FTCDNL1: variants seen among roughly 807,000 people sequenced by gnomAD.
The protein encoded by FTCDNL1 is formiminotransferase cyclodeaminase N-terminal like.
In FTCDNL1, 11 loss-of-function variants were observed where a neutral mutation model predicts 5.9. That is an observed-to-expected ratio of 1.87 (90% confidence interval 1.18 to 3.10). FTCDNL1 has a LOEUF of 3.10. Among genes scored for constraint, FTCDNL1 ranks in the 30% most tolerant of loss-of-function variants. FTCDNL1 has a pLI of 0.00. For missense variants in FTCDNL1, 115 were observed against 65.5 expected (o/e 1.76, Z -2.61); for synonymous variants, 58 against 24.8 (o/e 2.34, Z -3.99).
intron 3 of FTCDNL1, among the ~76,000 whole-genome samples, chr2:199,826,362 T>C (rs1702030592): frequency 6.6e-6 from 1 of 152,098 alleles, no homozygotes; most frequent in Admixed American, 6.6e-5. Context: ...TAATAGCTAT[T>C]TGGGAGATCT....
At chr2:199,672,068 G>GT in the FTCDNL1 span, among the ~76,000 whole-genome samples, 2 of 152,074 alleles carry the variant, frequency 1.3e-5, no homozygotes, top group South Asian at 2.1e-4. Flanking sequence ...AGAGTTACAT[G>GT]TTTTTTGCCC....
At chr2:199,773,690 G>T (rs1453152187) in intron 3 of FTCDNL1, among the ~76,000 whole-genome samples, 2 of 152,156 alleles carry the variant, frequency 1.3e-5, no homozygotes, top group Middle Eastern at 3.2e-3. Flanking sequence ...TAGATTGAGT[G>T]ATTCCCTTGA....
At chr2:199,738,959 G>C in the FTCDNL1 span, among the ~76,000 whole-genome samples, 8 of 152,046 alleles carry the variant, frequency 5.3e-5, no homozygotes, top group African/African-American at 1.9e-4. Context: ...GTTAAATTTC[G>C]TAATAGCACC....
At chr2:199,736,251 C>A in the FTCDNL1 span, among the ~76,000 whole-genome samples, 1 of 152,212 alleles carries the variant, frequency 6.6e-6, no homozygotes. Flanking sequence ...CTTTACAGAG[C>A]AAAGAGGCTA....
chr2:199,702,763 A>C, the FTCDNL1 span, among the ~76,000 whole-genome samples: 2 of 152,238 alleles, frequency 1.3e-5, no homozygotes, highest in African/African-American at 4.8e-5. Context: ...AAAGAAAAAT[A>C]AAACAGGCAA....
intron 3 of FTCDNL1, among the ~76,000 whole-genome samples, chr2:199,796,304 G>T (rs1402037468): frequency 6.6e-6 from 1 of 152,120 alleles, no homozygotes; most frequent in East Asian, 1.9e-4. Context: ...TAGAATAGTT[G>T]CTCCAAATTG....
chr2:199,841,173 C>G (rs2076576649), intron 3 of FTCDNL1, among the ~76,000 whole-genome samples: 1 of 149,976 alleles, frequency 6.7e-6, no homozygotes, highest in Non-Finnish European at 1.5e-5. Context: ...ATTTAGAGAC[C>G]TAATAGTGAT....
chr2:199,682,559 C>G, the FTCDNL1 span, among the ~76,000 whole-genome samples: 1 of 152,126 alleles, frequency 6.6e-6, no homozygotes, highest in South Asian at 2.1e-4. Flanking sequence ...ACATACTGTT[C>G]TATCAGTCTC....
At chr2:199,705,618 TATTGA>T in the FTCDNL1 span, among the ~76,000 whole-genome samples, 1 of 152,178 alleles carries the variant, frequency 6.6e-6, no homozygotes, top group African/African-American at 2.4e-5. Context: ...CTCACTACAA[TATTGA>T]ATTGGAGTAC....
chr2:199,721,221 A>G, the FTCDNL1 span, among the ~76,000 whole-genome samples: 2 of 152,114 alleles, frequency 1.3e-5, no homozygotes, highest in East Asian at 1.9e-4. Context: ...TCAACCCATT[A>G]CCTAAATATT....
intron 3 of FTCDNL1, among the ~76,000 whole-genome samples, chr2:199,775,263 G>A (rs532205450): frequency 2.9e-4 from 44 of 152,340 alleles, no homozygotes; most frequent in Non-Finnish European, 5.6e-4. Context: ...ACGTGTGAGG[G>A]AGTGAAGCCA....
the FTCDNL1 span, among the ~76,000 whole-genome samples, chr2:199,729,399 AG>A: frequency 6.6e-6 from 1 of 152,226 alleles, no homozygotes; most frequent in Non-Finnish European, 1.5e-5. Context: ...ATAGGAAGAC[AG>A]GAAGTCAAAT....
intron 3 of FTCDNL1, among the ~76,000 whole-genome samples, chr2:199,775,119 G>A (rs1230455635): frequency 1.3e-5 from 2 of 152,184 alleles, no homozygotes; most frequent in African/African-American, 2.4e-5. Flanking sequence ...TGGCCAGCAA[G>A]TAATGCAGCT....
chr2:199,841,302 G>A (rs1319306354), intron 3 of FTCDNL1, among the ~76,000 whole-genome samples: 4 of 151,886 alleles, frequency 2.6e-5, no homozygotes, highest in African/African-American at 4.8e-5. Context: ...CAGGAGAATC[G>A]CTTGAACACA....
chr2:199,847,479 T>C (rs1443375022), intron 2 of FTCDNL1, among the ~76,000 whole-genome samples: 3 of 152,234 alleles, frequency 2.0e-5, no homozygotes, highest in African/African-American at 7.2e-5. Flanking sequence ...ATTCTCAGTT[T>C]CATATGATTC....
chr2:199,716,891 G>A, the FTCDNL1 span, among the ~76,000 whole-genome samples: 2 of 152,082 alleles, frequency 1.3e-5, no homozygotes, highest in African/African-American at 2.4e-5. Flanking sequence ...AGACATAGAT[G>A]GGAAATGGCT....
intron 4 of FTCDNL1, among the ~76,000 whole-genome samples, chr2:199,815,436 T>A (rs1005824411): frequency 2.6e-5 from 4 of 152,220 alleles, no homozygotes; most frequent in Admixed American, 1.3e-4. Context: ...ATAGCGCCAA[T>A]CATTTCTATT....
chr2:199,767,594 G>GA (rs1252608473), intron 3 of FTCDNL1, among the ~76,000 whole-genome samples: 1 of 152,178 alleles, frequency 6.6e-6, no homozygotes, highest in Admixed American at 6.5e-5. Context: ...GGCCATGGGG[G>GA]ATCTGCATTC....
chr2:199,680,366 C>T, the FTCDNL1 span, among the ~76,000 whole-genome samples: 1 of 152,266 alleles, frequency 6.6e-6, no homozygotes, highest in Non-Finnish European at 1.5e-5. Context: ...GAATCTTTGG[C>T]TAGAATGTTC....
Sources: allele counts gnomAD v4.1 joint callset (sites outside exome capture counted in the v4.1 genomes callset), GRCh38; gene constraint gnomAD v4.1.1; transcripts MANE v1.5; gene names NCBI Gene and HGNC (gene_info 2026-07-23, HGNC 2026-07-21).